The following ARHGAP8 variants were observed in gnomAD, a reference collection of about 807,000 sequenced individuals.
ARHGAP8 encodes Rho GTPase activating protein 8.
Under a neutral mutation model 46.1 loss-of-function variants are expected in ARHGAP8, and 62 were observed. The ratio of observed to expected loss-of-function variants is 1.34; its 90% CI spans 1.10 to 1.66. The LOEUF is 1.66. Among genes scored for constraint, ARHGAP8 ranks in the 40% most tolerant of loss-of-function variants. ARHGAP8 has a pLI of 0.00. For missense variants in ARHGAP8, 923 were observed against 568.4 expected, an observed-to-expected ratio of 1.62 and a Z score of -6.34; for synonymous variants, 375 against 243.1, an observed-to-expected ratio of 1.54 and a Z score of -5.05.
At chr22:44,805,113 C>G in intron 3 of ARHGAP8, among the ~76,000 whole-genome samples, 1 of 152,212 alleles carries the variant, frequency 6.6e-6, no homozygotes, top group Non-Finnish European at 1.5e-5. Context: ...AGCTCGTCTC[C>G]TGGGGTCCTC....
intron 1 of ARHGAP8, 153 bp downstream of exon 1, chr22:44,752,780 G>C (rs920472601): frequency 2.0e-5 from 3 of 151,770 alleles, no homozygotes; most frequent in Non-Finnish European, 4.4e-5. Context: ...CGTGCGGCCG[G>C]GGGGAGACCC....
Position 44,862,296 on chromosome 22 carries a change from A to C in ARHGAP8, c.1003A>C (p.Asn335His), listed in dbSNP as rs1226865349. Residue 335 changes from asparagine to histidine, a missense_variant, in exon 12 of 12, where the codon AAC (asparagine) becomes CAC (histidine). Asn to His is a moderately conservative substitution (Grantham distance 68). Coordinates refer to ENST00000356099, the MANE Select transcript of ARHGAP8 (RefSeq NM_181335.3). ...LHAVSRESIF[N>H]KMNSSNLACV... ...CCAGGTGTCCCGGGAGAGCATCTTC[A>C]ACAAAATGAACAGCTCTAACCTGGC... 1.3e-6 allele frequency: 2 copies of C among 1,597,662 alleles called. No homozygotes were observed. The highest frequency in any genetic ancestry group is 1.1e-5 in the South Asian group (1 of 90,410).
At chr22:44,768,389 T>G (rs976475429) in intron 1 of ARHGAP8, among the ~76,000 whole-genome samples, 4 of 151,518 alleles carry the variant, frequency 2.6e-5, no homozygotes, top group African/African-American at 7.3e-5. Context: ...AGCCTCAACC[T>G]CCTGGGCTCA....
intron 10 of ARHGAP8, chr22:44,849,770 G>A (rs1262694740): frequency 2.0e-5 from 3 of 152,200 alleles, no homozygotes; most frequent in Non-Finnish European, 1.5e-5. Context: ...GAAGCAGCTC[G>A]GTTAAGATAT....
At chr22:44,821,213 C>CTT (rs1197738955) in intron 5 of ARHGAP8, among the ~76,000 whole-genome samples, 6 of 144,580 alleles carry the variant, frequency 4.1e-5, no homozygotes, top group African/African-American at 1.5e-4. Flanking sequence ...GGGCGGATCA[C>CTT]GAGGTCAGGA....
chr22:44,828,592 G>A (rs1377054623), intron 7 of ARHGAP8, among the ~76,000 whole-genome samples: 1 of 151,720 alleles, frequency 6.6e-6, no homozygotes, highest in East Asian at 1.9e-4. Context: ...TGGGACTATA[G>A]GCGTGCGCCA....
intron 7 of ARHGAP8, among the ~76,000 whole-genome samples, chr22:44,836,684 C>T (rs1602245000): frequency 6.6e-6 from 1 of 151,706 alleles, no homozygotes; most frequent in Non-Finnish European, 1.5e-5. Context: ...GTGGTGCAAG[C>T]TGCAGCCATT....
chr22:44,813,575 C>CAT (rs1929512244), intron 4 of ARHGAP8, among the ~76,000 whole-genome samples: 3 of 151,682 alleles, frequency 2.0e-5, no homozygotes, highest in African/African-American at 7.3e-5. Context: ...CATACAACTA[C>CAT]ACACACACCA....
intron 5 of ARHGAP8, among the ~76,000 whole-genome samples, chr22:44,816,602 C>T (rs1255371758): frequency 1.3e-5 from 2 of 152,008 alleles, no homozygotes; most frequent in Non-Finnish European, 2.9e-5. Flanking sequence ...CACTTGAGCC[C>T]AGGAGTGTGA....
intron 4 of ARHGAP8, among the ~76,000 whole-genome samples, chr22:44,812,813 C>T (rs1358372896): frequency 1.3e-5 from 2 of 152,202 alleles, no homozygotes; most frequent in African/African-American, 2.4e-5. Context: ...GATGAGCACT[C>T]GGCATCTGAC....
At chr22:44,859,054 A>G (rs539386929) in intron 10 of ARHGAP8, among the ~76,000 whole-genome samples, 2 of 151,408 alleles carry the variant, frequency 1.3e-5, no homozygotes, top group Admixed American at 6.6e-5. Context: ...GATCTAAGCC[A>G]TGGGCCGTAG....
intron 2 of ARHGAP8, among the ~76,000 whole-genome samples, chr22:44,797,813 AT>A (rs113478485): frequency 9.3e-5 from 14 of 151,220 alleles, no homozygotes; most frequent in African/African-American, 2.7e-4. Context: ...CAAGTGTGTA[AT>A]TTTTTTTTCA....
Position 44,862,558 on chromosome 22 carries a change from C to T in ARHGAP8, c.1265C>T (p.Pro422Leu), listed in dbSNP as rs1229321716. 2 of 1,597,614 alleles carry T rather than the reference C, an allele frequency of 1.3e-6. No homozygotes were observed. Among genetic ancestry groups the T allele is most frequent in the South Asian group, 1.1e-5 (1 of 90,302 alleles). The change falls in exon 12 of 12, where the codon CCT becomes CTT. Residue 422 changes from proline (P) to leucine (L), a missense_variant. Coordinates refer to ENST00000356099, the MANE Select transcript of ARHGAP8 (RefSeq NM_181335.3). Reference sequence around the variant, plus strand: ...ACGGGCCTCACCAAGCCTACCCTACCTCCGAGTCCCCTGATGGCAGCCAGA... The same window carrying T: ...ACGGGCCTCACCAAGCCTACCCTACTTCCGAGTCCCCTGATGGCAGCCAGA... ...QATGLTKPTLPPSPLMAARRR... is the reference protein window; with the variant it reads ...QATGLTKPTLLPSPLMAARRR...
At chr22:44,796,708 C>T (rs892619513) in intron 2 of ARHGAP8, among the ~76,000 whole-genome samples, 1 of 152,220 alleles carries the variant, frequency 6.6e-6, no homozygotes, top group East Asian at 1.9e-4. Context: ...GAGTCCAGGA[C>T]GCTCCCAGAC....
chr22:44,823,885 C>T (rs1930326281), intron 6 of ARHGAP8, among the ~76,000 whole-genome samples: 1 of 152,064 alleles, frequency 6.6e-6, no homozygotes, highest in South Asian at 2.1e-4. Context: ...TCCTGTGAGT[C>T]AGAGGGGATG....
chr22:44,801,566 T>C (rs987992572), intron 2 of ARHGAP8, among the ~76,000 whole-genome samples: 1 of 152,126 alleles, frequency 6.6e-6, no homozygotes, highest in African/African-American at 2.4e-5. Context: ...TTGTAGCACA[T>C]GGTGACCCGG....
At chr22:44,761,890 G>C (rs1487968672) in intron 1 of ARHGAP8, among the ~76,000 whole-genome samples, 1 of 152,210 alleles carries the variant, frequency 6.6e-6, no homozygotes, top group Non-Finnish European at 1.5e-5. Flanking sequence ...TGAGAACCAA[G>C]CAAAAGGGGT....
chr22:44,767,982 G>GTT (rs1569134963), intron 1 of ARHGAP8, among the ~76,000 whole-genome samples: 3 of 69,754 alleles, frequency 4.3e-5, no homozygotes, highest in Admixed American at 2.0e-4. Flanking sequence ...CCCGCATGAT[G>GTT]TCTTTTTTTT....
chr22:44,783,139 A>G (rs547956239), intron 1 of ARHGAP8, among the ~76,000 whole-genome samples: 173 of 141,824 alleles, frequency 1.2e-3, no homozygotes, highest in African/African-American at 4.5e-3. Context: ...AGGAGGTTTC[A>G]CCACGTTGGC....
Sources: gnomAD v4.1 joint callset for allele counts (sites outside exome capture counted in the v4.1 genomes callset) on GRCh38, gnomAD v4.1.1 for gene constraint, MANE v1.5 for transcripts, NCBI Gene and HGNC (gene_info 2026-07-23, HGNC 2026-07-21) for gene names.